Variants in CUX1 observed in about 807,000 individuals in gnomAD.
CUX1 encodes protein CASP.
Under a neutral mutation model 158.8 loss-of-function variants are expected in CUX1, and 31 were observed. The ratio of observed to expected loss-of-function variants is 0.20; its 90% confidence interval spans 0.15 to 0.26. The LOEUF is 0.26. CUX1 is among the 10% of genes least tolerant of loss of function. The pLI, the probability that CUX1 is intolerant of heterozygous loss-of-function variation, is 1.00. For missense variants in CUX1, 1,589 were observed against 2,014.6 expected, an observed-to-expected ratio of 0.79 and a Z score of 4.04; for synonymous variants, 879 against 862.1, an observed-to-expected ratio of 1.02 and a Z score of -0.34.
At chr7:102,281,178 G>A (rs1446382777) in intron 20 of CUX1, among the ~76,000 whole-genome samples, 3 of 152,128 alleles carry the variant, frequency 2.0e-5, no homozygotes, top group African/African-American at 4.8e-5. Flanking sequence ...TTCGAGACCA[G>A]CCTGGGCAAC....
intron 20 of CUX1, among the ~76,000 whole-genome samples, chr7:102,207,605 C>A (rs1344905676): frequency 6.6e-6 from 1 of 152,112 alleles, no homozygotes; most frequent in African/African-American, 2.4e-5. Flanking sequence ...GTACCCATCA[C>A]CACGCCCGGC....
chr7:101,997,110 C>T (rs1246700951), intron 2 of CUX1, among the ~76,000 whole-genome samples: 1 of 152,116 alleles, frequency 6.6e-6, no homozygotes, highest in African/African-American at 2.4e-5. Context: ...GGAGCAGCCC[C>T]AAACACAGTC....
chr7:101,967,971 G>A (rs935318545), intron 2 of CUX1, among the ~76,000 whole-genome samples: 2 of 151,856 alleles, frequency 1.3e-5, no homozygotes, highest in African/African-American at 4.8e-5. Context: ...TAGTGTGATC[G>A]TAGCTGCCTG....
chr7:102,157,916 T>C (rs782577733), intron 8 of CUX1, among the ~76,000 whole-genome samples: 23 of 152,140 alleles, frequency 1.5e-4, no homozygotes, highest in East Asian at 1.9e-4. Context: ...ACCTGGACAA[T>C]TGCTTTTACG....
At chr7:102,033,614 T>G (rs1433305387) in intron 3 of CUX1, among the ~76,000 whole-genome samples, 7 of 152,182 alleles carry the variant, frequency 4.6e-5, no homozygotes, top group Non-Finnish European at 1.0e-4. Context: ...CTACCAAAAT[T>G]GATTAAAGAA....
At chr7:102,031,014 C>A (rs2129339808) in intron 3 of CUX1, among the ~76,000 whole-genome samples, 1 of 152,102 alleles carries the variant, frequency 6.6e-6, no homozygotes, top group South Asian at 2.1e-4. Context: ...TGCATTATCT[C>A]TTTTAATGTA....
chr7:101,900,318 G>A (rs577038153), intron 1 of CUX1, among the ~76,000 whole-genome samples: 2 of 152,326 alleles, frequency 1.3e-5, no homozygotes, highest in South Asian at 4.1e-4. Flanking sequence ...GGCAGCCAGC[G>A]GTACCGGTGC....
chr7:101,833,263 A>G (rs1242086949), intron 1 of CUX1, among the ~76,000 whole-genome samples: 1 of 151,466 alleles, frequency 6.6e-6, no homozygotes, highest in Non-Finnish European at 1.5e-5. Flanking sequence ...AAAGAAAAGA[A>G]ATTAGCCCAG....
intron 1 of CUX1, among the ~76,000 whole-genome samples, chr7:101,897,995 A>T (rs937149239): frequency 2.4e-4 from 36 of 152,308 alleles, no homozygotes; most frequent in African/African-American, 7.2e-4. Flanking sequence ...GCGTGGATCC[A>T]GTAGCACCCC....
intron 4 of CUX1, among the ~76,000 whole-genome samples, chr7:102,095,186 G>C (rs1436338629): frequency 6.6e-6 from 1 of 151,744 alleles, no homozygotes; most frequent in African/African-American, 2.4e-5. Flanking sequence ...TTGTGTTTTT[G>C]TTTTGTAGAG....
Position 102,080,455 on chromosome 7 carries a change from C to T in CUX1, c.268+10038C>T, listed in dbSNP as rs543579641. Among the ~76,000 whole-genome samples the T allele has an allele frequency of 4.4e-4, 67 of 152,212 alleles. No individual in the cohort carries two copies. In the South Asian group the frequency reaches 0.013, roughly 30 times the overall value. Reference sequence around the variant, plus strand: ...ATTACATTAGCCTAGAGTGCCCTGGCGAAAAGTAGCGTCTGCCGCATTGTG... The same window carrying T: ...ATTACATTAGCCTAGAGTGCCCTGGTGAAAAGTAGCGTCTGCCGCATTGTG... On this transcript the variant is annotated intron_variant, in intron 4 of 23. Coordinates refer to ENST00000292535, the MANE Select transcript of CUX1 (RefSeq NM_181552.4).
At chr7:102,120,559 C>T (rs568437325) in intron 8 of CUX1, among the ~76,000 whole-genome samples, 1 of 152,292 alleles carries the variant, frequency 6.6e-6, no homozygotes, top group South Asian at 2.1e-4. Context: ...AGTACGGTTA[C>T]AAAAGAGACA....
At chr7:101,870,707 G>C (rs893912310) in intron 1 of CUX1, among the ~76,000 whole-genome samples, 5 of 152,254 alleles carry the variant, frequency 3.3e-5, no homozygotes, top group South Asian at 4.1e-4. Context: ...ATTACAGAGC[G>C]GCAAACAACC....
intron 1 of CUX1, among the ~76,000 whole-genome samples, chr7:101,904,921 T>G (rs571203418): frequency 6.6e-6 from 1 of 152,020 alleles, no homozygotes; most frequent in South Asian, 2.1e-4. Context: ...CGAGGTGGAG[T>G]CAGATTGAAT....
chr7:102,113,403 C>CAGGCGCATGCCACCATGCCCGGTTAA (rs1831133467), intron 7 of CUX1, among the ~76,000 whole-genome samples: 1 of 152,098 alleles, frequency 6.6e-6, no homozygotes, highest in Non-Finnish European at 1.5e-5. Flanking sequence ...GCTGGCGTTA[C>CAGGCGCATGCCACCATGCCCGGTTAA]AGGCGCATGC....
At chr7:101,871,332 T>G (rs1398842332) in intron 1 of CUX1, among the ~76,000 whole-genome samples, 2 of 152,036 alleles carry the variant, frequency 1.3e-5, no homozygotes, top group South Asian at 2.1e-4. Flanking sequence ...TTTTTTTTTT[T>G]TTGTTAACAC....
chr7:102,195,807 C>T (rs1244054485), intron 14 of CUX1, among the ~76,000 whole-genome samples: 2 of 152,152 alleles, frequency 1.3e-5, no homozygotes, highest in African/African-American at 4.8e-5. Context: ...AGCTGGATGT[C>T]GAGACGGGCC....
chr7:102,163,557 A>T (rs1353531689), intron 9 of CUX1, among the ~76,000 whole-genome samples: 1 of 152,190 alleles, frequency 6.6e-6, no homozygotes, highest in African/African-American at 2.4e-5. Context: ...GGATTGAGAC[A>T]TCAGGTTTGA....
intron 1 of CUX1, among the ~76,000 whole-genome samples, chr7:101,911,036 G>A (rs1803372111): frequency 6.6e-6 from 1 of 152,268 alleles, no homozygotes; most frequent in Non-Finnish European, 1.5e-5. Context: ...GCTATCCACA[G>A]CACCCCAGCT....
Sources: gnomAD v4.1 joint callset for allele counts (sites outside exome capture counted in the v4.1 genomes callset) on GRCh38, gnomAD v4.1.1 for gene constraint, MANE v1.5 for transcripts, NCBI Gene and HGNC (gene_info 2026-07-23, HGNC 2026-07-21) for gene names.